The following TENM1 variants were observed in gnomAD, a reference collection of about 807,000 sequenced individuals.
TENM1 encodes teneurin transmembrane protein 1.
TENM1 carries 35 observed loss-of-function variants against 174.8 expected under a neutral mutation model. That is an observed-to-expected ratio of 0.20 (90% CI 0.15 to 0.27). The LOEUF is 0.27. Ranked by LOEUF, TENM1 falls within the 10% of genes least tolerant of loss-of-function variation. TENM1 has a pLI of 1.00. For synonymous variants in TENM1, 781 were observed against 798.7 expected, an observed-to-expected ratio of 0.98 and a Z score of 0.37; for missense variants, 1,633 against 2,130.1, an observed-to-expected ratio of 0.77 and a Z score of 4.59.
At chrX:124,831,802 A>C (rs2056294685) in intron 3 of TENM1, among the ~76,000 whole-genome samples, 1 of 111,832 alleles carries the variant, frequency 8.9e-6, no homozygotes, top group Admixed American at 9.5e-5. Context: ...AAAAAAAAGA[A>C]AACATTAAAA....
Position 124,841,069 on chromosome X carries a change from T to C in TENM1, c.535+53227A>G, listed in dbSNP as rs944715475. On this transcript the variant is annotated intron_variant, in intron 3 of 31. Transcript: ENST00000422452. ...GGAAAAGATATTTCTATGCCTAAAATTACCTTCAGAAAGTTTGTACTTGAG... is the reference window on the plus strand; with the variant it reads ...GGAAAAGATATTTCTATGCCTAAAACTACCTTCAGAAAGTTTGTACTTGAG... 2.7e-5 allele frequency among the ~76,000 whole-genome samples: 3 copies of C among 111,664 alleles called. No homozygotes were observed. In the East Asian group the frequency reaches 8.4e-4, roughly 31 times the overall value.
chrX:124,978,961 T>C, the TENM1 span, among the ~76,000 whole-genome samples: 22 of 112,252 alleles, frequency 2.0e-4, no homozygotes, highest in African/African-American at 6.1e-4. Flanking sequence ...CAACCTCAGG[T>C]TAGCAGAACT....
the TENM1 span, among the ~76,000 whole-genome samples, chrX:125,189,698 C>A: frequency 9.0e-6 from 1 of 111,690 alleles, no homozygotes; most frequent in Non-Finnish European, 1.9e-5. Context: ...AGGTAAAATA[C>A]ATAAATTGGA....
chrX:124,780,211 T>G (rs2147170903), intron 3 of TENM1, among the ~76,000 whole-genome samples: 1 of 112,348 alleles, frequency 8.9e-6, no homozygotes, highest in African/African-American at 3.2e-5. Flanking sequence ...ATTTCTCAAC[T>G]TATTATCTTA....
At chrX:124,573,777 C>T (rs190727276) in intron 11 of TENM1, among the ~76,000 whole-genome samples, 358 of 112,230 alleles carry the variant, frequency 3.2e-3, no homozygotes, top group African/African-American at 0.011. Flanking sequence ...ATCAACATTT[C>T]TGCAATTGCA....
At chrX:124,511,192 C>A (rs183332127) in intron 18 of TENM1, among the ~76,000 whole-genome samples, 2 of 112,085 alleles carry the variant, frequency 1.8e-5, no homozygotes, top group African/African-American at 6.5e-5. Context: ...CTTATTTAAA[C>A]ATTTATTAAC....
chrX:125,003,423 C>T, the TENM1 span, among the ~76,000 whole-genome samples: 1 of 111,452 alleles, frequency 9.0e-6, no homozygotes, highest in African/African-American at 3.3e-5. Flanking sequence ...CAATTTCCAC[C>T]GGTATAGAAA....
intron 23 of TENM1, among the ~76,000 whole-genome samples, chrX:124,451,975 G>A (rs2061042691): frequency 8.9e-6 from 1 of 112,014 alleles, no homozygotes; most frequent in Admixed American, 9.5e-5. Flanking sequence ...AGGACTTCAT[G>A]TCTAAAACAC....
At chrX:125,161,856 A>G in the TENM1 span, among the ~76,000 whole-genome samples, 1 of 112,151 alleles carries the variant, frequency 8.9e-6, no homozygotes, top group African/African-American at 3.2e-5. Flanking sequence ...ACCCAGACCC[A>G]GGTCCCAGCT....
At chrX:124,892,922 C>T (rs1040135740) in intron 3 of TENM1, among the ~76,000 whole-genome samples, 8 of 112,215 alleles carry the variant, frequency 7.1e-5, no homozygotes, top group Non-Finnish European at 1.3e-4. Flanking sequence ...CCTTGATAAG[C>T]ATGCTTTCAT....
At chrX:124,813,477 A>T (rs2055829071) in intron 3 of TENM1, among the ~76,000 whole-genome samples, 1 of 111,927 alleles carries the variant, frequency 8.9e-6, no homozygotes, top group Admixed American at 9.5e-5. Flanking sequence ...TTACATGTGT[A>T]AAGGCACACA....
chrX:125,192,369 T>A, the TENM1 span, among the ~76,000 whole-genome samples: 1 of 112,269 alleles, frequency 8.9e-6, no homozygotes, highest in African/African-American at 3.2e-5. Context: ...AAAGATTTTT[T>A]AAATTTTTCA....
chrX:124,624,398 C>A (rs1324430401), intron 11 of TENM1, among the ~76,000 whole-genome samples: 1 of 111,324 alleles, frequency 9.0e-6, no homozygotes, highest in Non-Finnish European at 1.9e-5. Context: ...GCAATATATC[C>A]AATTTATGAA....
At chrX:124,776,097 G>A (rs1233398565) in intron 3 of TENM1, among the ~76,000 whole-genome samples, 1 of 111,929 alleles carries the variant, frequency 8.9e-6, no homozygotes, top group Non-Finnish European at 1.9e-5. Flanking sequence ...AAAATGCTTA[G>A]AGAAAACAAC....
At chrX:125,097,080 C>T in the TENM1 span, among the ~76,000 whole-genome samples, 1 of 110,914 alleles carries the variant, frequency 9.0e-6, no homozygotes, top group East Asian at 2.8e-4. Flanking sequence ...TCCTCCAGGG[C>T]TGTTCAGCTT....
At chrX:124,994,734 T>C in the TENM1 span, among the ~76,000 whole-genome samples, 1 of 110,855 alleles carries the variant, frequency 9.0e-6, no homozygotes, top group Non-Finnish European at 1.9e-5. Context: ...TCACTGCCAC[T>C]ATCCTTGTTC....
chrX:125,085,703 C>T, the TENM1 span, among the ~76,000 whole-genome samples: 2 of 110,828 alleles, frequency 1.8e-5, no homozygotes, highest in East Asian at 5.6e-4. Context: ...TAGAGGTGTT[C>T]ATTATTGCTT....
intron 4 of TENM1, among the ~76,000 whole-genome samples, chrX:124,714,794 G>T (rs944702856): frequency 3.2e-4 from 36 of 111,601 alleles, no homozygotes; most frequent in Non-Finnish European, 2.5e-4. Context: ...GGTATAGAAA[G>T]AATATACTAC....
At chrX:124,978,000 G>A in the TENM1 span, among the ~76,000 whole-genome samples, 2 of 100,275 alleles carry the variant, frequency 2.0e-5, no homozygotes, top group African/African-American at 7.6e-5. Flanking sequence ...GAGAGAGAGA[G>A]AGAGAGAGAG....
Sources: gnomAD v4.1 joint callset for allele counts (sites outside exome capture counted in the v4.1 genomes callset) on GRCh38, gnomAD v4.1.1 for gene constraint, MANE v1.5 for transcripts, NCBI Gene and HGNC (gene_info 2026-07-23, HGNC 2026-07-21) for gene names.